NFIA: variants seen among roughly 807,000 people sequenced by gnomAD.
NFIA encodes the protein nuclear factor I A.
In NFIA, 8 loss-of-function variants were observed where a neutral mutation model predicts 62.8. The observed-to-expected ratio is 0.13, with a 90% confidence interval of 0.07 to 0.23. The LOEUF is 0.23. Among genes scored for constraint, NFIA ranks in the 10% least tolerant of loss-of-function variants. The pLI, the probability that NFIA is intolerant of heterozygous loss-of-function variation, is 1.00. For missense variants in NFIA, 410 were observed against 642.1 expected, an observed-to-expected ratio of 0.64 and a Z score of 3.91; for synonymous variants, 235 against 238.1, an observed-to-expected ratio of 0.99 and a Z score of 0.12.
At chr1:61,438,063 T>C (rs981337287) in intron 10 of NFIA, among the ~76,000 whole-genome samples, 6 of 152,172 alleles carry the variant, frequency 3.9e-5, no homozygotes, top group Admixed American at 6.5e-5. Flanking sequence ...CAGGATTTTA[T>C]AGGCAATAGT....
chr1:61,442,532 A>G (rs2100576493), intron 10 of NFIA, among the ~76,000 whole-genome samples: 1 of 152,290 alleles, frequency 6.6e-6, no homozygotes, highest in Non-Finnish European at 1.5e-5. Flanking sequence ...TTAAGTTTCA[A>G]ATTTCTCCCA....
chr1:61,272,830 A>T (rs947717665), intron 2 of NFIA, among the ~76,000 whole-genome samples: 6 of 152,144 alleles, frequency 3.9e-5, no homozygotes, highest in African/African-American at 1.4e-4. Context: ...ATGAGAGTGG[A>T]ATTTTCGCTT....
At chr1:61,445,840 G>A (rs963059957) in intron 10 of NFIA, among the ~76,000 whole-genome samples, 45 of 152,218 alleles carry the variant, frequency 3.0e-4, no homozygotes, top group African/African-American at 1.1e-3. Context: ...CAAATGATGT[G>A]ATAACTAGTA....
intron 9 of NFIA, among the ~76,000 whole-genome samples, chr1:61,423,797 T>A (rs1486421863): frequency 6.6e-6 from 1 of 152,186 alleles, no homozygotes; most frequent in Non-Finnish European, 1.5e-5. Context: ...GACTATATCC[T>A]GTTATAGGTA....
At chr1:61,114,440 A>G (rs74859327) in intron 2 of NFIA, among the ~76,000 whole-genome samples, 4,040 of 152,198 alleles carry the variant, frequency 0.027, 194 homozygotes, top group African/African-American at 0.094. Flanking sequence ...AGTGAGCCTC[A>G]GTTGTACCAC....
intron 4 of NFIA, among the ~76,000 whole-genome samples, chr1:61,339,735 C>T (rs1385639470): frequency 2.6e-5 from 4 of 152,018 alleles, no homozygotes; most frequent in African/African-American, 7.3e-5. Flanking sequence ...TAGAAATTGT[C>T]GTCAAACTAC....
chr1:61,362,361 C>T lies in NFIA; in HGVS notation c.946+3087C>T, dbSNP rs1247177683. On this transcript the variant is annotated intron_variant, in intron 6 of 10. Coordinates refer to ENST00000403491, the MANE Select transcript of NFIA (RefSeq NM_001134673.4). Reference sequence around the variant, plus strand: ...TTGCCTACATTTGGGATAATTCTCTCAAACAAGTACTAAGGATACTGTGTT... The same window carrying T: ...TTGCCTACATTTGGGATAATTCTCTTAAACAAGTACTAAGGATACTGTGTT... Among the ~76,000 whole-genome samples the T allele has an allele frequency of 2.0e-5, 3 of 152,188 alleles. No homozygotes were observed. The East Asian group carries it at 5.8e-4, about 29-fold the overall frequency.
chr1:61,415,410 G>C (rs988042715), intron 9 of NFIA, among the ~76,000 whole-genome samples: 14 of 151,556 alleles, frequency 9.2e-5, no homozygotes, highest in African/African-American at 3.4e-4. Context: ...AAACACAAAA[G>C]ATAGAAAAAA....
chr1:61,200,495 GATTA>G (rs955719791), intron 2 of NFIA, among the ~76,000 whole-genome samples: 35 of 152,242 alleles, frequency 2.3e-4, no homozygotes, highest in African/African-American at 8.2e-4. Flanking sequence ...TATAGCATCT[GATTA>G]ATTAAAATGA....
At position 61,459,961 on chromosome 1, in the gene NFIA, C is replaced by T. The variant is rs953604820; in HGVS notation, c.*4641C>T. The T allele has an allele frequency of 3.3e-5, 5 of 152,072 alleles. No homozygotes were observed. The highest frequency in any genetic ancestry group is 3.4e-3 in the Middle Eastern group (1 of 294). The allele number at this position is 152,072 out of a possible 1,614,324, so 9.4% of individuals were successfully genotyped here. A position where few individuals can be genotyped will look rare whatever the true frequency, so the allele number is the denominator to read the frequency against. The stretch of plus-strand genomic sequence containing the variant: ...TGTTTGCTTCTGTTTTCTTTCTTGT[C>T]TTCATTCTTTCTTTTCTTTTTTATT... On this transcript the variant is annotated 3_prime_UTR_variant, in exon 11 of 11. Coordinates refer to ENST00000403491, the MANE Select transcript of NFIA (RefSeq NM_001134673.4).
chr1:61,414,371 G>T (rs972381709), intron 9 of NFIA, among the ~76,000 whole-genome samples: 2 of 152,184 alleles, frequency 1.3e-5, no homozygotes, highest in Non-Finnish European at 2.9e-5. Context: ...GCCAGATTGA[G>T]AAAGACAAGG....
chr1:61,386,045 G>A (rs556657335), intron 7 of NFIA: 1 of 152,150 alleles, frequency 6.6e-6, no homozygotes, highest in Admixed American at 6.5e-5. Context: ...ATAGGCTAAC[G>A]TAAGACATTT....
intron 3 of NFIA, among the ~76,000 whole-genome samples, chr1:61,299,402 A>T (rs1201267162): frequency 6.6e-6 from 1 of 152,212 alleles, no homozygotes. Context: ...TTCCAAAATG[A>T]GGCCACTACC....
At chr1:61,319,265 T>C (rs926144397) in intron 3 of NFIA, among the ~76,000 whole-genome samples, 4 of 151,970 alleles carry the variant, frequency 2.6e-5, no homozygotes, top group Non-Finnish European at 5.9e-5. Flanking sequence ...AAGACTTCAC[T>C]AAAAAATTGG....
rs775376623 is a variant in NFIA at position 61,406,555 on chromosome 1, C to CT, written c.1255-7_1255-6insT. 5.0e-6 allele frequency: 7 copies of CT among 1,405,920 alleles called. No individual in the cohort carries two copies. The African/African-American group carries it at 5.0e-5, about 10-fold the overall frequency. The allele number at this position is 1,405,920 out of a possible 1,614,324, so 87.1% of individuals were successfully genotyped here. ...ACGTGTGTTTTCTGCCCCCCCCCCC[C>CT]CCACAGCCCAATGGGAGCAGCCAAG... On this transcript the variant is annotated splice_polypyrimidine_tract_variant and splice_region_variant and intron_variant, in intron 8 of 10. Transcript: ENST00000403491.
intron 4 of NFIA, among the ~76,000 whole-genome samples, chr1:61,348,134 C>G (rs977261929): frequency 6.6e-6 from 1 of 152,192 alleles, no homozygotes; most frequent in African/African-American, 2.4e-5. Context: ...TGAGAATACC[C>G]AACCCAATGC....
At chr1:61,176,562 A>T (rs1232856111) in intron 2 of NFIA, among the ~76,000 whole-genome samples, 1 of 152,032 alleles carries the variant, frequency 6.6e-6, no homozygotes, top group East Asian at 1.9e-4. Context: ...TTCATATAAA[A>T]TTTATTGATA....
At chr1:61,239,138 A>G (rs1655180218) in intron 2 of NFIA, among the ~76,000 whole-genome samples, 2 of 152,218 alleles carry the variant, frequency 1.3e-5, no homozygotes, top group South Asian at 2.1e-4. Context: ...TTCCTTTTGC[A>G]TAACTTGGAA....
At chr1:61,373,994 G>T (rs1406063932) in intron 6 of NFIA, among the ~76,000 whole-genome samples, 1 of 152,062 alleles carries the variant, frequency 6.6e-6, no homozygotes, top group Non-Finnish European at 1.5e-5. Context: ...GCCACATATG[G>T]CTACTAAGCC....
Sources: allele counts gnomAD v4.1 joint callset (sites outside exome capture counted in the v4.1 genomes callset), GRCh38; gene constraint gnomAD v4.1.1; transcripts MANE v1.5; gene names NCBI Gene and HGNC (gene_info 2026-07-23, HGNC 2026-07-21).